The following SEC22A variants were observed in gnomAD, a reference collection of about 807,000 sequenced individuals.
SEC22A encodes vesicle-trafficking protein SEC22a.
A neutral mutation model predicts 35.3 loss-of-function variants in SEC22A; 22 were observed. The observed-to-expected ratio is 0.62, with a 90% CI of 0.45 to 0.89. The LOEUF (loss-of-function observed/expected upper bound fraction) is 0.89, where lower values mean the gene tolerates loss of function less well. SEC22A is among the 40% of genes least tolerant of loss of function. The probability of loss-of-function intolerance (pLI) is 0.00; values close to 1 mark genes in which losing one functional copy is unlikely to be tolerated. For synonymous variants in SEC22A, 119 were observed against 129.5 expected, an observed-to-expected ratio of 0.92 and a Z score of 0.55; for missense variants, 354 against 362.5, an observed-to-expected ratio of 0.98 and a Z score of 0.19.
chr3:123,244,054 A>G (rs1253129723), intron 4 of SEC22A: 2 of 152,212 alleles, frequency 1.3e-5, no homozygotes, highest in African/African-American at 4.8e-5. Context: ...ATATTATAGT[A>G]CCTAGAATGG....
chr3:123,271,763 A>T lies in SEC22A; in HGVS notation c.*41A>T. On this transcript the variant is annotated 3_prime_UTR_variant, in exon 7 of 7. Transcript: ENST00000492595. ...CTATTGCCTTGGCTTCAGGGGGATA[A>T]GGAGGGAACATATCATAACTGCACT... The T allele has an allele frequency of 6.6e-7, 1 of 1,519,506 alleles. No homozygotes were observed. The highest frequency in any genetic ancestry group is 9.1e-7 in the Non-Finnish European group (1 of 1,096,542). 94.1% of individuals were successfully genotyped at this position (1,519,506 alleles called of 1,614,324 possible).
intron 2 of SEC22A, among the ~76,000 whole-genome samples, chr3:123,211,621 G>A (rs371814500): frequency 4.2e-4 from 64 of 152,152 alleles, no homozygotes; most frequent in Middle Eastern, 3.4e-3. Context: ...ACCACACCCA[G>A]CTAATTTTTT....
chr3:123,271,807 C>A lies in SEC22A; in HGVS notation c.*85C>A. On this transcript the variant is annotated 3_prime_UTR_variant, in exon 7 of 7. Transcript: ENST00000492595. ...CTGCACTGTGATGAAGAAGCTGTTCCCCACAGAGGAGAAGCTCTGCTTTCT... is the reference window on the plus strand; with the variant it reads ...CTGCACTGTGATGAAGAAGCTGTTCACCACAGAGGAGAAGCTCTGCTTTCT... 1 of 1,114,656 alleles carries A rather than the reference C, an allele frequency of 9.0e-7. No individual in the cohort carries two copies. Among genetic ancestry groups the A allele is most frequent in the Non-Finnish European group, 1.3e-6 (1 of 765,702 alleles). 69.0% of individuals were successfully genotyped at this position (1,114,656 alleles called of 1,614,324 possible).
intron 4 of SEC22A, among the ~76,000 whole-genome samples, chr3:123,235,536 G>A (rs1937403889): frequency 1.3e-5 from 2 of 152,188 alleles, no homozygotes; most frequent in African/African-American, 4.8e-5. Context: ...AATAACAAGT[G>A]TGGATGAGGA....
chr3:123,239,923 G>T (rs1286336562), intron 4 of SEC22A, among the ~76,000 whole-genome samples: 1 of 152,122 alleles, frequency 6.6e-6, no homozygotes, highest in Admixed American at 6.5e-5. Flanking sequence ...GTGAGGCAGG[G>T]TAAGGAGGTT....
At chr3:123,224,966 A>T in intron 3 of SEC22A, 137 bp from the exon 4 acceptor site, 1 of 575,048 alleles carries the variant, frequency 1.7e-6, no homozygotes, top group African/African-American at 1.9e-5. Context: ...AACACAAGTA[A>T]TATTGGACTA....
chr3:123,242,944 CTTCT>C (rs1050124549), intron 4 of SEC22A, among the ~76,000 whole-genome samples: 94 of 152,216 alleles, frequency 6.2e-4, no homozygotes, highest in African/African-American at 2.2e-3. Flanking sequence ...ATAGATTAAT[CTTCT>C]TTAAGTATAA....
chr3:123,249,333 C>T (rs1001057103), intron 5 of SEC22A, among the ~76,000 whole-genome samples: 6 of 151,850 alleles, frequency 4.0e-5, no homozygotes, highest in Non-Finnish European at 7.4e-5. Context: ...GTTTCTCTCC[C>T]CTCCCCGGAG....
In SEC22A at chr3:123,245,987, CT is replaced by C. The variant is rs1937562911; in HGVS notation, c.633del (p.His212MetfsTer3). ...LCGALNLIRG[F>X]HAIESLLQSD... Reference sequence around the variant, plus strand: ...GTGGAGCTCTGAATTTAATTCGAGGCTTTCATGCTATAGAAAGTCTCCTGCA... The same window carrying C: ...GTGGAGCTCTGAATTTAATTCGAGGCTTCATGCTATAGAAAGTCTCCTGCA... On this transcript the variant is annotated frameshift_variant, in exon 5 of 7. Coordinates refer to ENST00000492595, the MANE Select transcript of SEC22A (RefSeq NM_012430.5). LOFTEE classifies it high-confidence loss of function. 6.2e-7 allele frequency: 1 copy of C among 1,609,804 alleles called. No homozygotes were observed. Among genetic ancestry groups the C allele is most frequent in the African/African-American group, 1.3e-5 (1 of 74,782 alleles).
chr3:123,270,497 AC>A (rs1938134061), intron 6 of SEC22A, among the ~76,000 whole-genome samples: 1 of 152,176 alleles, frequency 6.6e-6, no homozygotes, highest in South Asian at 2.1e-4. Context: ...TCCTATACTT[AC>A]CAGGTTGTGA....
intron 5 of SEC22A, among the ~76,000 whole-genome samples, chr3:123,257,647 C>G (rs1413118564): frequency 6.6e-6 from 1 of 151,416 alleles, no homozygotes; most frequent in Admixed American, 6.6e-5. Context: ...TGCAGTGAGC[C>G]GAGATCGCGC....
chr3:123,246,165 A>G lies in SEC22A; in HGVS notation c.657+151A>G, dbSNP rs973169949. 5 of 540,736 alleles carry G rather than the reference A, an allele frequency of 9.2e-6. No individual in the cohort carries two copies. The African/African-American group carries it at 9.6e-5, about 10-fold the overall frequency. The allele number at this position is 540,736 out of a possible 1,614,324, so 33.5% of individuals were successfully genotyped here. A position where few individuals can be genotyped will look rare whatever the true frequency, so the allele number is the denominator to read the frequency against. ...TATCTGCTTTAGCCTCCTTCTAAAA[A>G]CACTGGTTGGCTTCTTTGATTCCAT... On this transcript the variant is annotated intron_variant, in intron 5 of 6. Coordinates refer to ENST00000492595, the MANE Select transcript of SEC22A (RefSeq NM_012430.5).
intron 4 of SEC22A, among the ~76,000 whole-genome samples, chr3:123,235,853 A>C (rs79522564): frequency 0.03 from 4,617 of 152,342 alleles, 217 homozygotes; most frequent in African/African-American, 0.1. Flanking sequence ...ATAGTGTATT[A>C]TTATTCAGCC....
At chr3:123,230,943 C>A (rs899469287) in intron 4 of SEC22A, among the ~76,000 whole-genome samples, 1 of 151,630 alleles carries the variant, frequency 6.6e-6, no homozygotes, top group African/African-American at 2.4e-5. Flanking sequence ...ACCTTAGATT[C>A]AAATATACAA....
chr3:123,220,746 T>G, intron 2 of SEC22A, among the ~76,000 whole-genome samples: 1 of 151,536 alleles, frequency 6.6e-6, no homozygotes, highest in Non-Finnish European at 1.5e-5. Flanking sequence ...AACAACCAGG[T>G]TACTCTAGAA....
intron 2 of SEC22A, among the ~76,000 whole-genome samples, chr3:123,212,374 A>G (rs1936951842): frequency 6.6e-6 from 1 of 152,152 alleles, no homozygotes; most frequent in African/African-American, 2.4e-5. Flanking sequence ...AAAACTTGAA[A>G]TATTTCAATA....
chr3:123,258,072 C>A (rs78268172), intron 5 of SEC22A, among the ~76,000 whole-genome samples: 31,116 of 150,168 alleles, frequency 0.21, 3,329 homozygotes, highest in Middle Eastern at 0.27. Context: ...TTAGAGAAAA[C>A]TATAGTATCC....
At chr3:123,227,880 C>T (rs148421507) in intron 4 of SEC22A, among the ~76,000 whole-genome samples, 3 of 149,470 alleles carry the variant, frequency 2.0e-5, no homozygotes, top group Admixed American at 6.7e-5. Context: ...ATCCAGGAGG[C>T]AGAGGTTGCA....
At chr3:123,264,625 ATT>A (rs369549384) in intron 6 of SEC22A, among the ~76,000 whole-genome samples, 230 of 133,214 alleles carry the variant, frequency 1.7e-3, no homozygotes, top group Middle Eastern at 3.9e-3. Context: ...ACATCTTTTG[ATT>A]TTTTTTTTTT....
Sources: gnomAD v4.1 joint callset for allele counts (sites outside exome capture counted in the v4.1 genomes callset) on GRCh38, gnomAD v4.1.1 for gene constraint, MANE v1.5 for transcripts, NCBI Gene and HGNC (gene_info 2026-07-23, HGNC 2026-07-21) for gene names.